ZFPM1: variants seen among roughly 807,000 people sequenced by gnomAD.
The protein encoded by ZFPM1 is zinc finger protein, FOG family member 1, also known as zinc finger protein ZFPM1.
A neutral mutation model predicts 46.3 loss-of-function variants in ZFPM1; 28 were observed. The ratio of observed to expected loss-of-function variants is 0.60; its 90% CI spans 0.45 to 0.83. The LOEUF (loss-of-function observed/expected upper bound fraction) is 0.83, where lower values mean the gene tolerates loss of function less well. Among genes scored for constraint, ZFPM1 ranks in the 40% least tolerant of loss-of-function variants. The pLI is 0.00. For missense variants in ZFPM1, 1,878 were observed against 1,432.4 expected (o/e 1.31, Z -5.02); for synonymous variants, 957 against 675.9 (o/e 1.42, Z -6.45).
intron 3 of ZFPM1, among the ~76,000 whole-genome samples, chr16:88,503,646 C>G (rs74035513): frequency 0.07 from 10,645 of 152,226 alleles, 414 homozygotes; most frequent in South Asian, 0.11. Flanking sequence ...TTGGGGTGAT[C>G]GGTGCCATGG....
At chr16:88,459,992 G>C (rs1907743568) in intron 1 of ZFPM1, among the ~76,000 whole-genome samples, 1 of 151,636 alleles carries the variant, frequency 6.6e-6, no homozygotes. Flanking sequence ...CCAGGTTCCA[G>C]GTCAGGGCAG....
chr16:88,482,980 G>C (rs1215633807), intron 1 of ZFPM1, among the ~76,000 whole-genome samples: 1 of 152,208 alleles, frequency 6.6e-6, no homozygotes, highest in East Asian at 1.9e-4. Flanking sequence ...CGTGTGCTGA[G>C]GGAGGGCACT....
At chr16:88,483,734 G>A (rs1026437712) in intron 1 of ZFPM1, among the ~76,000 whole-genome samples, 13 of 152,184 alleles carry the variant, frequency 8.5e-5, no homozygotes, top group Non-Finnish European at 1.9e-4. Flanking sequence ...CTGGCACCTA[G>A]CCCTCGGGTG....
chr16:88,475,927 C>T lies in ZFPM1; in HGVS notation c.41-10012C>T, dbSNP rs533685643. 1.6e-4 allele frequency among the ~76,000 whole-genome samples: 25 copies of T among 152,240 alleles called. No homozygotes were observed. In the South Asian group the frequency reaches 5.0e-3, roughly 30 times the overall value. On this transcript the variant is annotated intron_variant, in intron 1 of 9. Transcript: ENST00000319555. ...GCTGGGCGTGGCTGTGGGCCCAGGG[C>T]AGTTAAGCCCACCAGGTCCACCCCT...
intron 1 of ZFPM1, among the ~76,000 whole-genome samples, chr16:88,475,475 C>G (rs1173771914): frequency 6.6e-6 from 1 of 150,514 alleles, no homozygotes; most frequent in Non-Finnish European, 1.5e-5. Flanking sequence ...ACCTGTGTCC[C>G]AATCCCACCC....
chr16:88,460,984 A>ACCCAGGGGT (rs1907814875), intron 1 of ZFPM1, among the ~76,000 whole-genome samples: 3 of 12,086 alleles, frequency 2.5e-4, no homozygotes, highest in Admixed American at 1.1e-3. Flanking sequence ...GACCGAGGGG[A>ACCCAGGGGT]GGGGCGGGAG....
At chr16:88,486,117 G>T in intron 2 of ZFPM1, 74 bp downstream of exon 2, 1 of 1,431,064 alleles carries the variant, frequency 7.0e-7, no homozygotes. Context: ...TGCCCTCAGA[G>T]CTCAGTGGTG....
At chr16:88,493,441 G>A (rs1284810811) in intron 3 of ZFPM1, among the ~76,000 whole-genome samples, 6 of 143,446 alleles carry the variant, frequency 4.2e-5, no homozygotes, top group African/African-American at 1.0e-4. Flanking sequence ...CCCGGGGTAC[G>A]GAGAGCTGTC....
intron 3 of ZFPM1, among the ~76,000 whole-genome samples, chr16:88,499,072 C>T (rs918161396): frequency 6.6e-6 from 1 of 152,202 alleles, no homozygotes; most frequent in Admixed American, 6.5e-5. Context: ...GGCCGGCTCC[C>T]CTTCCTTCAT....
Position 88,533,939 on chromosome 16 carries a change from CG to C in ZFPM1, c.1985del (p.Gly662AlafsTer136). ...CACGCCCGAGGACGGCGCGGGCGGC[CG>C]GGGCAGCGAGGGCAGCCAGAGCCCG... ...AATPEDGAGG[R>X]GSEGSQSPGS... is the part of the protein sequence containing the mutation. On this transcript the variant is annotated frameshift_variant, in exon 10 of 10. Coordinates refer to ENST00000319555, the MANE Select transcript of ZFPM1 (RefSeq NM_153813.3). LOFTEE classifies it low-confidence loss of function (END_TRUNC). The C allele has an allele frequency of 3.2e-6, 4 of 1,265,290 alleles. No individual in the cohort carries two copies. Among genetic ancestry groups the C allele is most frequent in the Non-Finnish European group, 3.0e-6 (3 of 985,558 alleles). The allele number at this position is 1,265,290 out of a possible 1,614,324, so 78.4% of individuals were successfully genotyped here. A position where few individuals can be genotyped will look rare whatever the true frequency, so the allele number is the denominator to read the frequency against.
intron 4 of ZFPM1, chr16:88,516,596 C>T (rs1463612376): frequency 5.0e-6 from 2 of 398,586 alleles, no homozygotes; most frequent in African/African-American, 4.1e-5. Context: ...AGTGTCCAGA[C>T]ACACCGTACA....
chr16:88,533,986 G>A lies in ZFPM1; in HGVS notation c.2028G>A (p.Ala676=), dbSNP rs1597292307. 2 of 1,357,734 alleles carry A rather than the reference G, an allele frequency of 1.5e-6. No individual in the cohort carries two copies. Among genetic ancestry groups the A allele is most frequent in the South Asian group, 1.2e-5 (1 of 80,330 alleles). The allele number at this position is 1,357,734 out of a possible 1,614,324, so 84.1% of individuals were successfully genotyped here. The change falls in exon 10 of 10, where the codon GCG becomes GCA. Residue 676 remains alanine (A), a synonymous_variant. Transcript: ENST00000319555. ...SQSPGSSVDD[A]EDDPSRTLCE... is the part of the protein sequence containing the mutation. ...GCCCGGGTAGCTCCGTGGACGACGC[G>A]GAGGACGACCCCAGCCGCACGCTGT...
chr16:88,466,360 G>C (rs1336836217), intron 1 of ZFPM1, among the ~76,000 whole-genome samples: 2 of 152,244 alleles, frequency 1.3e-5, no homozygotes, highest in African/African-American at 4.8e-5. Flanking sequence ...CAGCGAGGTT[G>C]AGTAACTCAC....
At chr16:88,494,340 A>G (rs186818602) in intron 3 of ZFPM1, among the ~76,000 whole-genome samples, 206 of 151,886 alleles carry the variant, frequency 1.4e-3, no homozygotes, top group African/African-American at 4.9e-3. Context: ...TCACCCCCCA[A>G]ACCCCGTTAC....
intron 1 of ZFPM1, among the ~76,000 whole-genome samples, chr16:88,485,300 G>T (rs1174589770): frequency 6.6e-6 from 1 of 152,198 alleles, no homozygotes; most frequent in Non-Finnish European, 1.5e-5. Flanking sequence ...GAGACACGGG[G>T]TCCGCGGCCC....
chr16:88,524,377 C>G (rs1158348228), intron 4 of ZFPM1, among the ~76,000 whole-genome samples: 1 of 152,230 alleles, frequency 6.6e-6, no homozygotes, highest in Non-Finnish European at 1.5e-5. Flanking sequence ...AAGCCCCCAT[C>G]GGAGCCGGCA....
intron 3 of ZFPM1, among the ~76,000 whole-genome samples, chr16:88,493,871 G>A (rs918985989): frequency 1.3e-5 from 2 of 152,188 alleles, no homozygotes; most frequent in African/African-American, 4.8e-5. Context: ...TCTGTCTGCT[G>A]CGAGCGGCTT....
At chr16:88,496,914 C>T (rs1431476230) in intron 3 of ZFPM1, among the ~76,000 whole-genome samples, 3 of 152,086 alleles carry the variant, frequency 2.0e-5, no homozygotes. Context: ...GAGGTGGCTT[C>T]GCCACAGCGG....
intron 1 of ZFPM1, among the ~76,000 whole-genome samples, chr16:88,474,194 C>T (rs1381637616): frequency 6.6e-6 from 1 of 152,230 alleles, no homozygotes; most frequent in Non-Finnish European, 1.5e-5. Flanking sequence ...TTCCCTCCTC[C>T]TCCGCCTCCC....
Sources: gnomAD v4.1 joint callset for allele counts (sites outside exome capture counted in the v4.1 genomes callset) on GRCh38, gnomAD v4.1.1 for gene constraint, MANE v1.5 for transcripts, NCBI Gene and HGNC (gene_info 2026-07-23, HGNC 2026-07-21) for gene names.